Variants in PKNOX2 observed in about 807,000 individuals in gnomAD.
The protein encoded by PKNOX2 is homeobox protein PKNOX2.
PKNOX2 carries 14 observed loss-of-function variants against 53.1 expected under a neutral mutation model. That is an observed-to-expected ratio of 0.26 (90% CI 0.17 to 0.41). The LOEUF is 0.41. Among genes scored for constraint, PKNOX2 ranks in the 10% least tolerant of loss-of-function variants. The probability of loss-of-function intolerance (pLI) is 1.00; values close to 1 mark genes in which losing one functional copy is unlikely to be tolerated. For missense variants in PKNOX2, 496 were observed against 602.8 expected (o/e 0.82, Z 1.85); for synonymous variants, 257 against 242.8 (o/e 1.06, Z -0.54).
chr11:125,224,434 G>A (rs1941503007), intron 1 of PKNOX2, among the ~76,000 whole-genome samples: 2 of 152,218 alleles, frequency 1.3e-5, no homozygotes, highest in Admixed American at 6.5e-5. Flanking sequence ...GCAGATGGCC[G>A]TGCAGTCAGG....
chr11:125,384,686 A>G (rs1430034280), intron 5 of PKNOX2, among the ~76,000 whole-genome samples: 1 of 152,150 alleles, frequency 6.6e-6, no homozygotes, highest in African/African-American at 2.4e-5. Flanking sequence ...CTCCGTCTCA[A>G]AAAAAACAAA....
chr11:125,367,357 T>TA (rs1213485600), intron 4 of PKNOX2, among the ~76,000 whole-genome samples: 2 of 152,174 alleles, frequency 1.3e-5, no homozygotes, highest in East Asian at 3.8e-4. Context: ...TGGAGAGCCA[T>TA]TCAGTCATCC....
At chr11:125,416,302 C>CAAAAAAAA (rs61354494) in intron 10 of PKNOX2, among the ~76,000 whole-genome samples, 3 of 70,458 alleles carry the variant, frequency 4.3e-5, no homozygotes, top group Non-Finnish European at 5.0e-5. Context: ...GACGCCGTCT[C>CAAAAAAAA]AAAAAAAAAA....
chr11:125,372,302 A>C lies in PKNOX2; in HGVS notation c.227+4317A>C, dbSNP rs541843703. On this transcript the variant is annotated intron_variant, in intron 5 of 12. Transcript: ENST00000298282. ...CTGAGGGCACCGAGCAGTAGGGAAG[A>C]CGTGAGGCTCTCGCTGCCTCAAAGC... 6.6e-5 allele frequency among the ~76,000 whole-genome samples: 10 copies of C among 152,304 alleles called. No homozygotes were observed. In the South Asian group the frequency reaches 2.1e-3, roughly 32 times the overall value.
At chr11:125,285,378 A>G (rs112058647) in intron 2 of PKNOX2, among the ~76,000 whole-genome samples, 3,107 of 152,336 alleles carry the variant, frequency 0.02, 66 homozygotes, top group Non-Finnish European at 0.024. Flanking sequence ...ATGAAATAGA[A>G]TAAACAGAGA....
At chr11:125,354,724 T>A (rs139704216) in intron 4 of PKNOX2, among the ~76,000 whole-genome samples, 178 of 152,362 alleles carry the variant, frequency 1.2e-3, no homozygotes, top group African/African-American at 4.0e-3. Context: ...ACTTGGCAAT[T>A]TCATTTTTGA....
intron 2 of PKNOX2, among the ~76,000 whole-genome samples, chr11:125,323,053 C>T (rs1289455865): frequency 6.6e-6 from 1 of 152,188 alleles, no homozygotes; most frequent in East Asian, 1.9e-4. Context: ...CCATCTGGTC[C>T]TAACCTCACT....
In PKNOX2 at chr11:125,222,834, AG is replaced by A. The variant is rs201413772; in HGVS notation, c.-200-12209del. On this transcript the variant is annotated intron_variant, in intron 1 of 12. Coordinates refer to ENST00000298282, the MANE Select transcript of PKNOX2 (RefSeq NM_001382323.2). ...GTATGTGTGTGTGTGTTGCATCGAA[AG>A]GTGTCTCTGCTTTCATCTTGCTTTC... Among the ~76,000 whole-genome samples the A allele has an allele frequency of 7.6e-3, 1,157 of 151,940 alleles. 9 individuals are homozygous for A. The highest frequency in any genetic ancestry group is 0.013 in the Non-Finnish European group (850 of 67,940).
intron 3 of PKNOX2, among the ~76,000 whole-genome samples, chr11:125,338,551 T>G (rs1391489627): frequency 2.0e-5 from 3 of 152,170 alleles, no homozygotes. Context: ...ACATCTCACA[T>G]GCAGCACCCT....
chr11:125,262,889 C>A (rs980219568), intron 2 of PKNOX2, among the ~76,000 whole-genome samples: 1 of 152,192 alleles, frequency 6.6e-6, no homozygotes, highest in Non-Finnish European at 1.5e-5. Flanking sequence ...GTCCCTCTTT[C>A]TATTTCTATG....
chr11:125,376,575 A>G (rs936297068), intron 5 of PKNOX2, among the ~76,000 whole-genome samples: 1 of 152,188 alleles, frequency 6.6e-6, no homozygotes, highest in African/African-American at 2.4e-5. Flanking sequence ...AGATGGCAAA[A>G]TCTGTTCCAA....
At chr11:125,250,951 C>T (rs1259861432) in intron 2 of PKNOX2, among the ~76,000 whole-genome samples, 1 of 152,210 alleles carries the variant, frequency 6.6e-6, no homozygotes, top group Non-Finnish European at 1.5e-5. Flanking sequence ...GACCCCTGGC[C>T]GTGCCAGGCT....
intron 9 of PKNOX2, chr11:125,411,483 T>TC (rs1955517024): frequency 2.3e-6 from 1 of 426,706 alleles, no homozygotes; most frequent in Non-Finnish European, 4.4e-6. Flanking sequence ...TCTCTCTCTC[T>TC]CTCTCTCTCT....
chr11:125,297,605 A>G (rs1265159259), intron 2 of PKNOX2, among the ~76,000 whole-genome samples: 1 of 152,192 alleles, frequency 6.6e-6, no homozygotes, highest in Non-Finnish European at 1.5e-5. Context: ...TGTTCCTGGA[A>G]GGATGAAGAC....
intron 1 of PKNOX2, among the ~76,000 whole-genome samples, chr11:125,186,115 T>C (rs933790438): frequency 0.037 from 10 of 272 alleles, no homozygotes; most frequent in Non-Finnish European, 0.071. Flanking sequence ...TGGTATCTCG[T>C]TATGGTTTGA....
At chr11:125,178,954 C>T (rs978102706) in intron 1 of PKNOX2, among the ~76,000 whole-genome samples, 6 of 151,980 alleles carry the variant, frequency 3.9e-5, no homozygotes, top group Admixed American at 2.0e-4. Context: ...GGAGATAGCC[C>T]GTGTAAAGTG....
At chr11:125,334,658 G>A (rs1202704852) in intron 3 of PKNOX2, among the ~76,000 whole-genome samples, 1 of 151,694 alleles carries the variant, frequency 6.6e-6, no homozygotes, top group Non-Finnish European at 1.5e-5. Flanking sequence ...GAGTGCAGTG[G>A]CACAGTCTCA....
chr11:125,220,621 T>C (rs1471400137), intron 1 of PKNOX2, among the ~76,000 whole-genome samples: 4 of 152,204 alleles, frequency 2.6e-5, no homozygotes. Flanking sequence ...CAATCAGCCC[T>C]GGGGAATCAT....
chr11:125,226,146 T>C (rs1236977548), intron 1 of PKNOX2, among the ~76,000 whole-genome samples: 1 of 152,252 alleles, frequency 6.6e-6, no homozygotes, highest in African/African-American at 2.4e-5. Context: ...ATTTCATTTT[T>C]ACAATATGTC....
Sources: gnomAD v4.1 joint callset for allele counts (sites outside exome capture counted in the v4.1 genomes callset) on GRCh38, gnomAD v4.1.1 for gene constraint, MANE v1.5 for transcripts, NCBI Gene and HGNC (gene_info 2026-07-23, HGNC 2026-07-21) for gene names.